CROCC2: variants seen among roughly 807,000 people sequenced by gnomAD.
The protein encoded by CROCC2 is ciliary rootlet coiled-coil, rootletin family member 2.
Under a neutral mutation model 177.6 loss-of-function variants are expected in CROCC2, and 163 were observed. The observed-to-expected ratio is 0.92, with a 90% CI of 0.81 to 1.05. CROCC2 has a LOEUF of 1.05. Among genes scored for constraint, CROCC2 ranks in the 50% least tolerant of loss-of-function variants. CROCC2 has a pLI of 0.00. For synonymous variants in CROCC2, 904 were observed against 787.3 expected (o/e 1.15, Z -2.48); for missense variants, 1,929 against 1,797.8 (o/e 1.07, Z -1.32).
intron 8 of CROCC2, 106 bp from the exon 9 acceptor site, chr2:240,932,596 A>C (rs1326346027): frequency 2.9e-6 from 2 of 699,024 alleles, no homozygotes; most frequent in Non-Finnish European, 5.3e-6. Context: ...CCAGTGGCAA[A>C]GGTGGAGGTA....
At position 240,958,889 on chromosome 2, in the gene CROCC2, C is replaced by T. The variant is rs2059611638; in HGVS notation, c.2944-412C>T. On this transcript the variant is annotated intron_variant, in intron 19 of 31. Transcript: ENST00000690015. This position sits in a 1 kb window ranked among gnomAD's most constrained non-coding sequence, Gnocchi z 6.7. ...TCCTGGCCCGAGGATCCCTGCTGGC[C>T]ACACTGCCCCAAGGCCCGAGAGGAC... 2.6e-5 allele frequency among the ~76,000 whole-genome samples: 4 copies of T among 152,152 alleles called. No homozygotes were observed. In the South Asian group the frequency reaches 8.3e-4, roughly 31 times the overall value.
chr2:240,927,399 C>A (rs183101095), intron 5 of CROCC2, among the ~76,000 whole-genome samples: 2 of 152,320 alleles, frequency 1.3e-5, no homozygotes, highest in Admixed American at 1.3e-4. Flanking sequence ...CTCTGAGCTC[C>A]GGCTAGACAT....
At chr2:240,910,940 G>A (rs2059283315) in intron 1 of CROCC2, among the ~76,000 whole-genome samples, 1 of 152,062 alleles carries the variant, frequency 6.6e-6, no homozygotes, top group South Asian at 2.1e-4. Flanking sequence ...AGACCAGCCT[G>A]GCCAACATGG....
rs2059254679 is a variant in CROCC2 at position 240,906,543 on chromosome 2, T to A, written c.30T>A (p.Asn10Lys). Residue 10 changes from asparagine (N) to lysine (K), a missense_variant, in exon 1 of 32, where the codon AAT becomes AAA. Transcript: ENST00000690015. ...GCTCTGCCTCCAGTGAGCCTGGCAATGGGGACGCCTCCCAACAGCCCCTAC... is the reference window on the plus strand; with the variant it reads ...GCTCTGCCTCCAGTGAGCCTGGCAAAGGGGACGCCTCCCAACAGCCCCTAC... MSSASSEPG[N>K]GDASQQPLLG... 2.5e-6 allele frequency: 1 copy of A among 399,050 alleles called. No homozygotes were observed. The highest frequency in any genetic ancestry group is 1.3e-4 in the South Asian group (1 of 7,854). The allele number at this position is 399,050 out of a possible 1,614,324, so 24.7% of individuals were successfully genotyped here.
Position 240,918,722 on chromosome 2 carries a change from T to G in CROCC2, c.79-4T>G. Reference sequence around the variant, plus strand: ...CTCCAGGTATCTCTGGGGGTGTCTTTCAGAGACTGGAGGACACCATCCTGA... The same window carrying G: ...CTCCAGGTATCTCTGGGGGTGTCTTGCAGAGACTGGAGGACACCATCCTGA... On this transcript the variant is annotated splice_polypyrimidine_tract_variant and splice_region_variant and intron_variant, in intron 1 of 31. Coordinates refer to ENST00000690015, the MANE Select transcript of CROCC2 (RefSeq NM_001351305.2). The surrounding 1 kb of genome is among the most constrained non-coding windows in gnomAD (Gnocchi z 6.3). 1 of 562,454 alleles carries G rather than the reference T, an allele frequency of 1.8e-6. No individual in the cohort carries two copies. The highest frequency in any genetic ancestry group is 3.2e-6 in the Non-Finnish European group (1 of 311,052). 34.8% of individuals were successfully genotyped at this position (562,454 alleles called of 1,614,324 possible). A position where few individuals can be genotyped will look rare whatever the true frequency, so the allele number is the denominator to read the frequency against.
In CROCC2 at chr2:240,988,754, C is replaced by G. The variant is rs1404539278; in HGVS notation, c.4567C>G (p.Leu1523Val). Residue 1523 changes from leucine to valine, a missense_variant, in exon 29 of 32, where the codon CTG becomes GTG. Around this residue, in one of 3 missense-constraint regions of CROCC2, gnomAD observed 388 missense variants for 352.7 expected, o/e 1.10. Transcript: ENST00000690015. ...EPLRQMEQET[L>V]KREEDVARLG... The stretch of plus-strand genomic sequence containing the variant: ...ATCTCTGCAGATGGAGCAAGAGACA[C>G]TGAAGAGGGAGGAGGATGTGGCGAG... 6.8e-7 allele frequency: 1 copy of G among 1,478,456 alleles called. No homozygotes were observed. Among genetic ancestry groups the G allele is most frequent in the Non-Finnish European group, 9.0e-7 (1 of 1,106,460 alleles). 91.6% of individuals were successfully genotyped at this position (1,478,456 alleles called of 1,614,324 possible).
chr2:240,974,410 C>G (rs1202007408), intron 27 of CROCC2, among the ~76,000 whole-genome samples: 1 of 146,740 alleles, frequency 6.8e-6, no homozygotes, highest in Admixed American at 6.9e-5. Flanking sequence ...GGCATGATTT[C>G]GGCTCACTGC....
intron 4 of CROCC2, 60 bp from the exon 5 acceptor site, chr2:240,925,664 G>C (rs907571999): frequency 3.6e-5 from 23 of 646,160 alleles, no homozygotes; most frequent in Non-Finnish European, 6.0e-5. Context: ...TGGGGACTCT[G>C]AGCGCCTCTC....
chr2:240,946,540 C>T (rs2059526028), intron 15 of CROCC2, among the ~76,000 whole-genome samples: 1 of 152,220 alleles, frequency 6.6e-6, no homozygotes, highest in South Asian at 2.1e-4. Context: ...GAATGTCTTG[C>T]TCATGGAGCT....
In CROCC2 at chr2:240,965,674, C is replaced by T. The variant is rs1197471628; in HGVS notation, c.3642C>T (p.Ala1214=). Residue 1214 remains alanine (A), a synonymous_variant, in exon 24 of 32, where the codon GCC becomes GCT. Coordinates refer to ENST00000690015, the MANE Select transcript of CROCC2 (RefSeq NM_001351305.2). ...GLQRKLAEVE[A]AGEAHGQRLQ... is the part of the protein sequence containing the mutation. Reference sequence around the variant, plus strand: ...AGAGGAAGTTGGCAGAGGTGGAGGCCGCAGGGGAGGCCCATGGACAGCGGC... The same window carrying T: ...AGAGGAAGTTGGCAGAGGTGGAGGCTGCAGGGGAGGCCCATGGACAGCGGC... 8 of 1,550,442 alleles carry T rather than the reference C, an allele frequency of 5.2e-6. No individual in the cohort carries two copies. Among genetic ancestry groups the T allele is most frequent in the South Asian group, 2.4e-5 (2 of 84,030 alleles).
intron 31 of CROCC2, 67 bp downstream of exon 31, chr2:240,991,345 G>A: frequency 7.0e-7 from 1 of 1,419,584 alleles, no homozygotes; most frequent in Non-Finnish European, 9.5e-7. Flanking sequence ...GGGGCAGGCG[G>A]CCCTGGGGAA....
chr2:240,958,533 A>G lies in CROCC2; in HGVS notation c.2944-768A>G. The G allele has an allele frequency of 1.0e-6, 1 of 981,682 alleles. No homozygotes were observed. The highest frequency in any genetic ancestry group is 1.2e-6 in the Non-Finnish European group (1 of 826,518). The allele number at this position is 981,682 out of a possible 1,614,324, so 60.8% of individuals were successfully genotyped here. A position where few individuals can be genotyped will look rare whatever the true frequency, so the allele number is the denominator to read the frequency against. ...CAGCCATGTGGGCACCTGTGCCCCC[A>G]GGAACACAAAGCCAGCTCTGGAGGG... is the stretch of plus-strand genomic sequence containing the variant. On this transcript the variant is annotated intron_variant, in intron 19 of 31. Transcript: ENST00000690015. The surrounding 1 kb of genome is among the most constrained non-coding windows in gnomAD (Gnocchi z 6.7).
intron 12 of CROCC2, among the ~76,000 whole-genome samples, 175 bp from the exon 13 acceptor site, chr2:240,934,741 G>A (rs971250258): frequency 2.6e-5 from 4 of 152,310 alleles, no homozygotes; most frequent in Non-Finnish European, 5.9e-5. Flanking sequence ...GAGCCTTAGT[G>A]CCTGGAGCCA....
chr2:240,991,173 C>A (rs963718332), intron 30 of CROCC2, 23 bp from the exon 31 acceptor site: 2 of 1,521,108 alleles, frequency 1.3e-6, no homozygotes, highest in African/African-American at 2.8e-5. Flanking sequence ...CCCACCTGAC[C>A]TGAGCCACTG....
chr2:240,934,900 C>A lies in CROCC2; in HGVS notation c.1792-16C>A. 1.3e-6 allele frequency: 2 copies of A among 1,484,352 alleles called. No homozygotes were observed. The highest frequency in any genetic ancestry group is 1.8e-6 in the Non-Finnish European group (2 of 1,118,526). 91.9% of individuals were successfully genotyped at this position (1,484,352 alleles called of 1,614,324 possible). ...AAGCTGAAGGTCCCTCCCTGGCATC[C>A]CCCTCCCTGCCCCAGGCCGAGTGCA... On this transcript the variant is annotated splice_polypyrimidine_tract_variant and intron_variant, in intron 12 of 31. Coordinates refer to ENST00000690015, the MANE Select transcript of CROCC2 (RefSeq NM_001351305.2).
chr2:240,962,413 C>G (rs1372442930), intron 20 of CROCC2, among the ~76,000 whole-genome samples: 1 of 152,060 alleles, frequency 6.6e-6, no homozygotes, highest in African/African-American at 2.4e-5. Flanking sequence ...TTTTGCTGGT[C>G]CTTGACCTTC....
At chr2:240,933,420 G>A (rs894005159) in intron 10 of CROCC2, 78 bp downstream of exon 10, 8 of 1,373,316 alleles carry the variant, frequency 5.8e-6, no homozygotes, top group Non-Finnish European at 7.7e-6. Context: ...GTCAGGACAA[G>A]CACCTCTAGA....
chr2:240,933,105 GCCCACAACTTAC>G lies in CROCC2; in HGVS notation c.1252-20_1252-9del. ...GGCAAAGCCTGCCTAGGCCAGAGAG[GCCCACAACTTAC>G]CCCACCCGAGCAGGAGCTGTGCCTG... On this transcript the variant is annotated splice_polypyrimidine_tract_variant and intron_variant, in intron 9 of 31. Transcript: ENST00000690015. 1 of 1,549,496 alleles carries G rather than the reference GCCCACAACTTAC, an allele frequency of 6.5e-7. No individual in the cohort carries two copies. The highest frequency in any genetic ancestry group is 8.7e-7 in the Non-Finnish European group (1 of 1,146,452).
chr2:240,920,155 C>A, intron 3 of CROCC2, 21 bp downstream of exon 3: 1 of 644,706 alleles, frequency 1.6e-6, no homozygotes, highest in South Asian at 1.7e-5. Context: ...GCAGCAGACT[C>A]AGGGCAGGCG....
Sources: gnomAD v4.1 joint callset for allele counts (sites outside exome capture counted in the v4.1 genomes callset) on GRCh38, gnomAD v4.1.1 for gene constraint, gnomAD v4.1.1 regional missense constraint, Gnocchi (gnomAD v3.1) non-coding constraint, MANE v1.5 for transcripts, NCBI Gene and HGNC (gene_info 2026-07-23, HGNC 2026-07-21) for gene names.